Variants in FARS2 observed in about 807,000 individuals in gnomAD.
FARS2 encodes the protein phenylalanine--tRNA ligase, mitochondrial.
FARS2 carries 40 observed loss-of-function variants against 46.4 expected under a neutral mutation model. That is an observed-to-expected ratio of 0.86 (90% confidence interval 0.67 to 1.12). The LOEUF is 1.12. Among genes scored for constraint, FARS2 ranks in the 50% most tolerant of loss-of-function variants. The pLI, the probability that FARS2 is intolerant of heterozygous loss-of-function variation, is 0.00. For synonymous variants in FARS2, 234 were observed against 214.9 expected, an observed-to-expected ratio of 1.09 and a Z score of -0.78; for missense variants, 513 against 567.9, an observed-to-expected ratio of 0.90 and a Z score of 0.98.
At chr6:5,690,066 T>A (rs1757578933) in intron 6 of FARS2, among the ~76,000 whole-genome samples, 1 of 152,192 alleles carries the variant, frequency 6.6e-6, no homozygotes, top group South Asian at 2.1e-4. Flanking sequence ...TCTTCCTTCA[T>A]CCCTTTATTT....
chr6:5,578,605 C>T (rs548954477), intron 5 of FARS2, among the ~76,000 whole-genome samples: 21 of 151,990 alleles, frequency 1.4e-4, no homozygotes, highest in South Asian at 4.2e-4. Flanking sequence ...GTCAGGAGAT[C>T]GACACCATCC....
At chr6:5,554,485 A>C (rs576096187) in intron 5 of FARS2, among the ~76,000 whole-genome samples, 3 of 152,188 alleles carry the variant, frequency 2.0e-5, no homozygotes, top group Non-Finnish European at 2.9e-5. Flanking sequence ...GGTAGCAAAC[A>C]TCAGCCATGA....
chr6:5,567,340 C>T (rs147981281), intron 5 of FARS2, among the ~76,000 whole-genome samples: 324 of 152,158 alleles, frequency 2.1e-3, no homozygotes, highest in African/African-American at 3.6e-3. Context: ...GAGTACTTTG[C>T]GCATTTTTTA....
chr6:5,684,701 A>ATT (rs1757054216), intron 6 of FARS2, among the ~76,000 whole-genome samples: 2 of 152,206 alleles, frequency 1.3e-5, no homozygotes, highest in Non-Finnish European at 2.9e-5. Context: ...TGTCACCTAA[A>ATT]GGAGACATCT....
chr6:5,341,259 C>A (rs1456649092), intron 1 of FARS2, among the ~76,000 whole-genome samples: 2 of 20,720 alleles, frequency 9.7e-5, no homozygotes, highest in African/African-American at 1.5e-4. Flanking sequence ...TTTTTTTTTC[C>A]CTGTGAGAGC....
At chr6:5,439,295 G>A (rs1044384299) in intron 4 of FARS2, among the ~76,000 whole-genome samples, 3 of 152,114 alleles carry the variant, frequency 2.0e-5, no homozygotes, top group African/African-American at 4.8e-5. Context: ...ATCCTTTCCT[G>A]GGCTTTCTCT....
intron 6 of FARS2, 147 bp from the exon 7 acceptor site, chr6:5,771,144 T>C (rs563806568): frequency 2.0e-5 from 16 of 787,838 alleles, no homozygotes; most frequent in Admixed American, 5.5e-5. Context: ...CTGTATAAGA[T>C]GCAGATTGTT....
chr6:5,688,066 G>T (rs1480125502), intron 6 of FARS2, among the ~76,000 whole-genome samples: 1 of 152,198 alleles, frequency 6.6e-6, no homozygotes, highest in East Asian at 1.9e-4. Flanking sequence ...CTGAGACTTT[G>T]CTGAAGTTGC....
intron 2 of FARS2, among the ~76,000 whole-genome samples, chr6:5,381,102 GC>G (rs1408914128): frequency 1.3e-5 from 2 of 151,632 alleles, no homozygotes; most frequent in Non-Finnish European, 2.9e-5. Flanking sequence ...CTGGGTTCAC[GC>G]CATTCTCCTG....
intron 1 of FARS2, among the ~76,000 whole-genome samples, chr6:5,296,639 C>T (rs1271743755): frequency 6.6e-6 from 1 of 152,188 alleles, no homozygotes; most frequent in Non-Finnish European, 1.5e-5. Context: ...TGAATTTAAC[C>T]ACTCTAGGAA....
At chr6:5,433,636 G>A (rs544644664) in intron 4 of FARS2, among the ~76,000 whole-genome samples, 44 of 152,330 alleles carry the variant, frequency 2.9e-4, no homozygotes, top group African/African-American at 8.4e-4. Context: ...AATACTGGGC[G>A]TGAATATGAA....
chr6:5,500,684 G>T (rs1273768405), intron 4 of FARS2, among the ~76,000 whole-genome samples: 1 of 152,184 alleles, frequency 6.6e-6, no homozygotes, highest in East Asian at 1.9e-4. Context: ...ATTGCTAAGG[G>T]AGTCAGAGTG....
At chr6:5,697,406 T>A (rs769980584) in intron 6 of FARS2, among the ~76,000 whole-genome samples, 4 of 152,180 alleles carry the variant, frequency 2.6e-5, no homozygotes, top group African/African-American at 4.8e-5. Flanking sequence ...ACATCCACCA[T>A]TGAAGGGAAT....
At chr6:5,623,319 T>C (rs1040072694) in intron 6 of FARS2, among the ~76,000 whole-genome samples, 1 of 152,096 alleles carries the variant, frequency 6.6e-6, no homozygotes, top group African/African-American at 2.4e-5. Context: ...AACTGGGAAG[T>C]TGGGATAATG....
At chr6:5,319,976 C>T (rs1000861279) in intron 1 of FARS2, among the ~76,000 whole-genome samples, 1 of 152,186 alleles carries the variant, frequency 6.6e-6, no homozygotes, top group African/African-American at 2.4e-5. Context: ...GCACTCTGCC[C>T]TCTGCCCATG....
chr6:5,361,944 A>T lies in FARS2; in HGVS notation c.-21-6606A>T, dbSNP rs912709148. On this transcript the variant is annotated intron_variant, in intron 1 of 6. Transcript: ENST00000274680. ...GTTGAAATGATTATAAAACTCATTC[A>T]TTCTAACAACAAACATTTATTCAGT... Among the ~76,000 whole-genome samples the T allele has an allele frequency of 2.5e-4, 38 of 152,230 alleles. 1 individual carries two copies. Among genetic ancestry groups the T allele is most frequent in the Admixed American group, 7.2e-4 (11 of 15,286 alleles).
intron 1 of FARS2, among the ~76,000 whole-genome samples, chr6:5,310,818 T>A (rs545635573): frequency 6.6e-6 from 1 of 152,330 alleles, no homozygotes; most frequent in East Asian, 1.9e-4. Context: ...CACTGCTATA[T>A]CCTGAAAATA....
At chr6:5,737,779 A>C (rs1222322543) in intron 6 of FARS2, among the ~76,000 whole-genome samples, 1 of 152,122 alleles carries the variant, frequency 6.6e-6, no homozygotes, top group Non-Finnish European at 1.5e-5. Flanking sequence ...TCTTCCGTCT[A>C]TCTGTGCATT....
chr6:5,712,053 A>G (rs1243004416), intron 6 of FARS2, among the ~76,000 whole-genome samples: 1 of 152,242 alleles, frequency 6.6e-6, no homozygotes, highest in African/African-American at 2.4e-5. Flanking sequence ...AAACTTAATT[A>G]CATAATTAAA....
Sources: gnomAD v4.1 joint callset for allele counts (sites outside exome capture counted in the v4.1 genomes callset) on GRCh38, gnomAD v4.1.1 for gene constraint, MANE v1.5 for transcripts, NCBI Gene and HGNC (gene_info 2026-07-23, HGNC 2026-07-21) for gene names.